PCCA: variants seen among roughly 807,000 people sequenced by gnomAD.
PCCA encodes propionyl-CoA carboxylase alpha chain, mitochondrial.
A neutral mutation model predicts 101.3 loss-of-function variants in PCCA; 74 were observed. That is an observed-to-expected ratio of 0.73 (90% CI 0.61 to 0.89). PCCA has a LOEUF of 0.89. Ranked by LOEUF, PCCA falls within the 40% of genes least tolerant of loss-of-function variation. The probability of loss-of-function intolerance (pLI) is 0.00; values close to 1 mark genes in which losing one functional copy is unlikely to be tolerated. For synonymous variants in PCCA, 294 were observed against 313.6 expected, an observed-to-expected ratio of 0.94 and a Z score of 0.66; for missense variants, 891 against 907.0, an observed-to-expected ratio of 0.98 and a Z score of 0.23.
At chr13:100,185,868 A>C (rs749531045) in intron 6 of PCCA, among the ~76,000 whole-genome samples, 1 of 151,986 alleles carries the variant, frequency 6.6e-6, no homozygotes, top group Non-Finnish European at 1.5e-5. Flanking sequence ...GCTCGTCTCG[A>C]ACTCCCGACC....
chr13:100,134,768 G>A (rs1014359303), intron 4 of PCCA, among the ~76,000 whole-genome samples: 3 of 151,858 alleles, frequency 2.0e-5, no homozygotes, highest in African/African-American at 7.3e-5. Flanking sequence ...TGTCAAGGCT[G>A]GTCCTGAACT....
rs77031478 is a variant in PCCA, at chr13:100,369,277, A to G, written c.1746+703A>G. Among the ~76,000 whole-genome samples the G allele has an allele frequency of 5.9e-3, 905 of 152,308 alleles. 10 individuals are homozygous for G. Among genetic ancestry groups the G allele is most frequent in the African/African-American group, 0.021 (874 of 41,570 alleles). ...AGTATAATGAATATTCTGTTTATCT[A>G]CATTTCTCTTCTTACGGCTAAATTG... On this transcript the variant is annotated intron_variant, in intron 19 of 23. Transcript: ENST00000376285.
chr13:100,461,944 G>A (rs1053126063), intron 21 of PCCA, among the ~76,000 whole-genome samples: 6 of 152,150 alleles, frequency 3.9e-5, no homozygotes, highest in Non-Finnish European at 1.5e-5. Context: ...CTTCCTCCCT[G>A]CTCGGTCACA....
chr13:100,226,365 A>G (rs917676021), intron 7 of PCCA, among the ~76,000 whole-genome samples: 5 of 152,280 alleles, frequency 3.3e-5, no homozygotes, highest in East Asian at 1.9e-4. Context: ...TGGCTTTCAT[A>G]TGAATGGGTA....
intron 18 of PCCA, among the ~76,000 whole-genome samples, chr13:100,359,101 A>G (rs2074275964): frequency 6.6e-6 from 1 of 151,658 alleles, no homozygotes; most frequent in Non-Finnish European, 1.5e-5. Flanking sequence ...CTCCTCAAAA[A>G]AAAAAAAAAA....
chr13:100,519,285 A>C (rs2181482), intron 22 of PCCA, among the ~76,000 whole-genome samples: 1 of 152,072 alleles, frequency 6.6e-6, no homozygotes, highest in East Asian at 1.9e-4. Context: ...GAAAGAATAG[A>C]TTGAAATTAA....
intron 22 of PCCA, among the ~76,000 whole-genome samples, chr13:100,518,054 C>T (rs1378802048): frequency 6.6e-6 from 1 of 152,088 alleles, no homozygotes; most frequent in Non-Finnish European, 1.5e-5. Context: ...GGCGAGGTTC[C>T]CCTTTTATGG....
At chr13:100,242,185 C>T (rs912231976) in intron 8 of PCCA, among the ~76,000 whole-genome samples, 1 of 152,054 alleles carries the variant, frequency 6.6e-6, no homozygotes, top group African/African-American at 2.4e-5. Context: ...ACTTTAGATG[C>T]AGAGACACAA....
chr13:100,235,941 C>T (rs2060775991), intron 8 of PCCA, 63 bp downstream of exon 8: 2 of 995,526 alleles, frequency 2.0e-6, no homozygotes, highest in Admixed American at 1.7e-5. Context: ...GTTGAGTCAA[C>T]AGGTAATAAG....
intron 21 of PCCA, among the ~76,000 whole-genome samples, chr13:100,463,715 A>G (rs780032993): frequency 4.6e-5 from 7 of 152,232 alleles, no homozygotes; most frequent in Non-Finnish European, 8.8e-5. Flanking sequence ...TGAACCTGCC[A>G]AAGGGACAAT....
intron 4 of PCCA, among the ~76,000 whole-genome samples, chr13:100,119,412 A>G (rs971662492): frequency 6.6e-6 from 1 of 152,104 alleles, no homozygotes; most frequent in African/African-American, 2.4e-5. Flanking sequence ...TTGGCCAGGT[A>G]GGATAGGTGG....
chr13:100,212,843 G>A (rs2059298411), intron 7 of PCCA, among the ~76,000 whole-genome samples: 1 of 149,552 alleles, frequency 6.7e-6, no homozygotes, highest in African/African-American at 2.5e-5. Context: ...ACCCATTTTT[G>A]TACCCATTAA....
Position 100,105,870 on chromosome 13 carries a change from A to G in PCCA, c.183+2910A>G, listed in dbSNP as rs1362464262. The stretch of plus-strand genomic sequence containing the variant: ...AAAAAAAAAAAAAAAAAAAAAAAAA[A>G]AAAAAAAGAAAAGAAAAGGAAAAAA... On this transcript the variant is annotated intron_variant, in intron 2 of 23. Coordinates refer to ENST00000376285, the MANE Select transcript of PCCA (RefSeq NM_000282.4). 7.8e-3 allele frequency among the ~76,000 whole-genome samples: 1,153 copies of G among 147,138 alleles called. 19 individuals carry two copies. Among genetic ancestry groups the G allele is most frequent in the African/African-American group, 0.027 (1,094 of 39,812 alleles).
chr13:100,398,289 A>G (rs746733307), intron 19 of PCCA, among the ~76,000 whole-genome samples: 2 of 152,176 alleles, frequency 1.3e-5, no homozygotes, highest in Non-Finnish European at 2.9e-5. Context: ...AACCTATTCC[A>G]CTGGGTTTTA....
chr13:100,418,392 C>A (rs2078520977), intron 19 of PCCA, among the ~76,000 whole-genome samples: 1 of 152,206 alleles, frequency 6.6e-6, no homozygotes, highest in Non-Finnish European at 1.5e-5. Flanking sequence ...GTGATTCCTT[C>A]CTGTCTTCAC....
At chr13:100,133,688 T>C (rs1342954686) in intron 4 of PCCA, among the ~76,000 whole-genome samples, 1 of 152,192 alleles carries the variant, frequency 6.6e-6, no homozygotes, top group African/African-American at 2.4e-5. Context: ...TTGATTGGGT[T>C]GAAGGATGCA....
chr13:100,264,240 A>ATCATATATATGTGATATCTGTATC (rs1566823610), intron 10 of PCCA, among the ~76,000 whole-genome samples: 3 of 122,740 alleles, frequency 2.4e-5, no homozygotes, highest in African/African-American at 8.1e-5. Context: ...ATATCTGTAT[A>ATCATATATATGTGATATCTGTATC]TCATATATAT....
chr13:100,422,290 T>A (rs1005224574), intron 19 of PCCA, among the ~76,000 whole-genome samples: 1 of 151,908 alleles, frequency 6.6e-6, no homozygotes, highest in Admixed American at 6.6e-5. Context: ...CTGGCCATCA[T>A]GCCTGGCTAA....
In PCCA at chr13:100,425,322, A is replaced by C. The variant is rs7327479; in HGVS notation, c.1747-311A>C. Among the ~76,000 whole-genome samples the C allele has an allele frequency of 2.4e-3, 367 of 152,342 alleles. 2 individuals carry two copies. Among genetic ancestry groups the C allele is most frequent in the Non-Finnish European group, 4.1e-3 (279 of 68,038 alleles). ...CAAGATGTCACTGGAATTTATATGC[A>C]TTACTTGTCTAATTGCAGTAAATGT... On this transcript the variant is annotated intron_variant, in intron 19 of 23. Transcript: ENST00000376285.
Sources: gnomAD v4.1 joint callset for allele counts (sites outside exome capture counted in the v4.1 genomes callset) on GRCh38, gnomAD v4.1.1 for gene constraint, MANE v1.5 for transcripts, NCBI Gene and HGNC (gene_info 2026-07-23, HGNC 2026-07-21) for gene names.